TNNI3K: variants seen among roughly 807,000 people sequenced by gnomAD.
TNNI3K encodes the protein TNNI3 interacting kinase, also known as serine/threonine-protein kinase TNNI3K.
In TNNI3K, 140 loss-of-function variants were observed where a neutral mutation model predicts 114.5. The observed-to-expected ratio is 1.22, with a 90% CI of 1.07 to 1.41. The LOEUF (loss-of-function observed/expected upper bound fraction) is 1.41, where lower values mean the gene tolerates loss of function less well. Among genes scored for constraint, TNNI3K ranks in the 40% most tolerant of loss-of-function variants. TNNI3K has a pLI of 0.00. For missense variants in TNNI3K, 1,125 were observed against 1,007.6 expected, an observed-to-expected ratio of 1.12 and a Z score of -1.58; for synonymous variants, 347 against 347.5, an observed-to-expected ratio of 1.00 and a Z score of 0.02.
At chr1:74,405,488 T>C (rs1051643325) in intron 17 of TNNI3K, among the ~76,000 whole-genome samples, 1 of 152,164 alleles carries the variant, frequency 6.6e-6, no homozygotes, top group East Asian at 1.9e-4. Flanking sequence ...AAGTGAATGA[T>C]AATGAGAATA....
At chr1:74,363,997 A>G (rs1286255967) in intron 11 of TNNI3K, among the ~76,000 whole-genome samples, 2 of 146,384 alleles carry the variant, frequency 1.4e-5, no homozygotes, top group Non-Finnish European at 3.0e-5. Flanking sequence ...TATTATTATT[A>G]TTATTATTAT....
At position 74,439,808 on chromosome 1, in the gene TNNI3K, T is replaced by C. The variant is rs1666296811; in HGVS notation, c.2011+186T>C. ...AGAAAATTTAATGACTTACCTGTGA[T>C]TTCAGACCGAGACACACAGAAATGC... is the stretch of plus-strand genomic sequence containing the variant. On this transcript the variant is annotated intron_variant, in intron 20 of 24. Coordinates refer to ENST00000326637, the MANE Select transcript of TNNI3K (RefSeq NM_015978.3). 3.3e-5 allele frequency among the ~76,000 whole-genome samples: 5 copies of C among 152,216 alleles called. No individual in the cohort carries two copies. In the South Asian group the frequency reaches 1.0e-3, roughly 32 times the overall value.
intron 17 of TNNI3K, among the ~76,000 whole-genome samples, chr1:74,431,696 A>C (rs1557561707): frequency 6.6e-6 from 1 of 152,118 alleles, no homozygotes; most frequent in Non-Finnish European, 1.5e-5. Flanking sequence ...CGCTTCTAGC[A>C]TATCATATCT....
intron 2 of TNNI3K, among the ~76,000 whole-genome samples, chr1:74,247,982 T>C (rs1654688690): frequency 7.0e-6 from 1 of 143,784 alleles, no homozygotes; most frequent in Non-Finnish European, 1.5e-5. Flanking sequence ...TCAGGTTGCC[T>C]GGGAGCCCAC....
intron 23 of TNNI3K, among the ~76,000 whole-genome samples, chr1:74,509,411 C>T (rs542486546): frequency 4.1e-4 from 62 of 152,252 alleles, no homozygotes; most frequent in African/African-American, 1.4e-3. Context: ...TAGAGTACTA[C>T]ATAACAATAG....
At chr1:74,408,490 GT>G (rs1386660154) in intron 17 of TNNI3K, among the ~76,000 whole-genome samples, 2 of 152,180 alleles carry the variant, frequency 1.3e-5, no homozygotes, top group Non-Finnish European at 2.9e-5. Flanking sequence ...AAACAATGTG[GT>G]TCCTGCACTC....
chr1:74,258,235 A>G (rs1213657285), intron 4 of TNNI3K, among the ~76,000 whole-genome samples: 2 of 152,152 alleles, frequency 1.3e-5, no homozygotes, highest in Admixed American at 6.5e-5. Context: ...TCAACAATAC[A>G]TAATGGATCT....
intron 17 of TNNI3K, among the ~76,000 whole-genome samples, chr1:74,389,182 T>A (rs1663637077): frequency 6.6e-6 from 1 of 151,936 alleles, no homozygotes; most frequent in Non-Finnish European, 1.5e-5. Flanking sequence ...AAGTAATGAG[T>A]GTTGGATCTG....
At chr1:74,242,687 A>C (rs917297588) in intron 2 of TNNI3K, among the ~76,000 whole-genome samples, 3 of 152,218 alleles carry the variant, frequency 2.0e-5, no homozygotes, top group African/African-American at 7.2e-5. Flanking sequence ...AACAACAAAA[A>C]AAACCCTCAA....
chr1:74,512,867 T>G (rs2100386841), intron 23 of TNNI3K, among the ~76,000 whole-genome samples: 1 of 152,296 alleles, frequency 6.6e-6, no homozygotes. Context: ...CAAGGAAAAC[T>G]TCTCTGTTAA....
intron 17 of TNNI3K, among the ~76,000 whole-genome samples, chr1:74,412,076 C>A (rs879612498): frequency 6.6e-6 from 1 of 152,064 alleles, no homozygotes; most frequent in African/African-American, 2.4e-5. Context: ...AGGAAGGTAG[C>A]AACACAGATT....
At chr1:74,457,969 T>A (rs1294943812) in intron 20 of TNNI3K, among the ~76,000 whole-genome samples, 1 of 152,186 alleles carries the variant, frequency 6.6e-6, no homozygotes, top group Non-Finnish European at 1.5e-5. Context: ...AGGACCTAAG[T>A]TGACTGGTGT....
chr1:74,347,755 T>G (rs1377941349), intron 9 of TNNI3K, among the ~76,000 whole-genome samples: 1 of 152,220 alleles, frequency 6.6e-6, no homozygotes, highest in East Asian at 1.9e-4. Context: ...TGGCCAGTGA[T>G]GGTGAGCATT....
At chr1:74,330,660 G>A (rs1473757751) in intron 5 of TNNI3K, among the ~76,000 whole-genome samples, 2 of 151,992 alleles carry the variant, frequency 1.3e-5, no homozygotes, top group African/African-American at 2.4e-5. Flanking sequence ...CTGCCTTTTT[G>A]TCAGTCTAAT....
rs1660199497 is a variant in TNNI3K, at chr1:74,331,428, C to A, written c.445-22C>A. On this transcript the variant is annotated intron_variant, in intron 5 of 24. Coordinates refer to ENST00000326637, the MANE Select transcript of TNNI3K (RefSeq NM_015978.3). ...CAGATAACTCAACTGAAGTTCTTAACCATAATCATTTTCTTGTCCAGGCTG... is the reference window on the plus strand; with the variant it reads ...CAGATAACTCAACTGAAGTTCTTAAACATAATCATTTTCTTGTCCAGGCTG... The A allele has an allele frequency of 1.9e-6, 3 of 1,608,484 alleles. No individual in the cohort carries two copies. In the East Asian group the frequency reaches 6.7e-5, roughly 36 times the overall value.
At chr1:74,437,418 C>A (rs560508965) in intron 19 of TNNI3K, among the ~76,000 whole-genome samples, 1 of 151,996 alleles carries the variant, frequency 6.6e-6, no homozygotes, top group East Asian at 1.9e-4. Context: ...ATATCTCAGG[C>A]AGTGATGAGT....
intron 21 of TNNI3K, chr1:74,469,055 G>A (rs1667793363): frequency 6.6e-6 from 1 of 152,142 alleles, no homozygotes; most frequent in Admixed American, 6.5e-5. Context: ...TGAAAGCTAT[G>A]CACTAATAGG....
intron 5 of TNNI3K, among the ~76,000 whole-genome samples, chr1:74,309,068 G>C (rs1436843793): frequency 6.6e-6 from 1 of 151,982 alleles, no homozygotes; most frequent in Non-Finnish European, 1.5e-5. Flanking sequence ...AATTCTTCCA[G>C]GTGTAAAAAG....
rs45578441 is a variant in TNNI3K, at chr1:74,542,170, T to C, written c.2432-1736T>C. 5.8e-3 allele frequency among the ~76,000 whole-genome samples: 882 copies of C among 152,326 alleles called. 10 individuals carry two copies. Among genetic ancestry groups the C allele is most frequent in the South Asian group, 0.013 (64 of 4,830 alleles). On this transcript the variant is annotated intron_variant, in intron 24 of 24. Transcript: ENST00000326637. Reference sequence around the variant, plus strand: ...ATAATAAATGCTAGCCTCAATGCCTTACTGATTTTGCTGATCATTCCTGAG... The same window carrying C: ...ATAATAAATGCTAGCCTCAATGCCTCACTGATTTTGCTGATCATTCCTGAG...
Sources: allele counts gnomAD v4.1 joint callset (sites outside exome capture counted in the v4.1 genomes callset), GRCh38; gene constraint gnomAD v4.1.1; transcripts MANE v1.5; gene names NCBI Gene and HGNC (gene_info 2026-07-23, HGNC 2026-07-21).